Variants in RRAGD observed in about 807,000 individuals in gnomAD.
The protein encoded by RRAGD is Ras related GTP binding D, also known as ras-related GTP-binding protein D.
In RRAGD, 12 loss-of-function variants were observed where a neutral mutation model predicts 35.5. The ratio of observed to expected loss-of-function variants is 0.34; its 90% CI spans 0.22 to 0.55. The LOEUF (loss-of-function observed/expected upper bound fraction) is 0.55. Ranked by LOEUF, RRAGD falls within the 20% of genes least tolerant of loss-of-function variation. RRAGD has a pLI of 0.91. For missense variants in RRAGD, 324 were observed against 490.1 expected (o/e 0.66, Z 3.20); for synonymous variants, 155 against 178.9 (o/e 0.87, Z 1.07).
chr6:89,405,211 A>G (rs976113950), intron 1 of RRAGD, among the ~76,000 whole-genome samples: 2 of 151,888 alleles, frequency 1.3e-5, no homozygotes, highest in African/African-American at 4.8e-5. Context: ...AAAATCAGCC[A>G]GGTGTGGCAG....
chr6:89,397,894 C>G (rs963973186), intron 1 of RRAGD, among the ~76,000 whole-genome samples: 6 of 152,186 alleles, frequency 3.9e-5, no homozygotes, highest in Admixed American at 2.0e-4. Context: ...TACCTGTAAT[C>G]CCAGCACTGT....
In RRAGD at chr6:89,411,691, G is replaced by A. The variant is rs1429213715; in HGVS notation, c.148+155C>T. 6.6e-6 allele frequency among the ~76,000 whole-genome samples: 1 copy of A among 152,174 alleles called. No homozygotes were observed. The highest frequency in any genetic ancestry group is 1.5e-5 in the Non-Finnish European group (1 of 68,026). ...CCCTCATTTGGCAGCTCGAGGTCGG[G>A]CTTTTGGCGTCCCTCCCCACCCCAA... is the stretch of plus-strand genomic sequence containing the variant. On this transcript the variant is annotated intron_variant, in intron 1 of 6. Transcript: ENST00000369415. This position sits in a 1 kb window ranked among gnomAD's most constrained non-coding sequence, Gnocchi z 5.6.
In RRAGD at chr6:89,387,388, G is replaced by A. The variant is rs1226410784; in HGVS notation, c.351C>T (p.Asp117=). 1 of 1,614,192 alleles carries A rather than the reference G, an allele frequency of 6.2e-7. No individual in the cohort carries two copies. The change falls in exon 2 of 7, where the codon GAC becomes GAT. Residue 117 remains aspartate, a synonymous_variant. Transcript: ENST00000369415. ...CAAAAAAGTCAATCTGTCCTGGGAA[G>A]TCCCAAATCTGAAAATTGACAAAGG... ...NSSFVNFQIW[D]FPGQIDFFDP... is the part of the protein sequence containing the mutation.
intron 1 of RRAGD, among the ~76,000 whole-genome samples, chr6:89,403,159 C>T (rs934446057): frequency 1.3e-5 from 2 of 152,048 alleles, no homozygotes; most frequent in African/African-American, 4.8e-5. Context: ...TAAAAACTGT[C>T]GGCCGGGCGC....
At chr6:89,379,390 G>T in intron 3 of RRAGD, 52 bp from the exon 4 acceptor site, 1 of 905,518 alleles carries the variant, frequency 1.1e-6, no homozygotes, top group Non-Finnish European at 1.8e-6. Context: ...TGAGGAACAG[G>T]CTGCTTAGGC....
chr6:89,405,121 T>C (rs545787351), intron 1 of RRAGD, among the ~76,000 whole-genome samples: 8 of 151,908 alleles, frequency 5.3e-5, no homozygotes, highest in South Asian at 2.1e-4. Context: ...GAGGCCAAGG[T>C]GGGCGGATCA....
intron 1 of RRAGD, among the ~76,000 whole-genome samples, chr6:89,400,818 C>T (rs1769445124): frequency 1.3e-5 from 2 of 152,106 alleles, no homozygotes; most frequent in African/African-American, 4.8e-5. Flanking sequence ...GACAGCCCCC[C>T]TAAAAGGAGC....
At position 89,368,112 on chromosome 6, in the gene RRAGD, G is replaced by A. The variant is rs771281584; in HGVS notation, c.1147C>T (p.Arg383Trp). ...KVVKSRKVQN[R>W]LQKKKRATPN... ...GTGGCTCTCTTTTTCTTCTGCAGCC[G>A]ATTCTGAACCTTTCGAGATTTTACT... Residue 383 changes from arginine to tryptophan, a missense_variant, in exon 7 of 7, where the codon CGG becomes TGG. Physicochemically the swap from Arg to Trp is moderately radical, Grantham distance 101 (BLOSUM62 -3). Around this residue, in one of 5 missense-constraint regions of RRAGD, gnomAD observed 68 missense variants for 76.8 expected, o/e 0.89. Transcript: ENST00000369415. The A allele has an allele frequency of 4.3e-6, 7 of 1,613,576 alleles. No homozygotes were observed. The highest frequency in any genetic ancestry group is 2.2e-5 in the South Asian group (2 of 91,048).
intron 1 of RRAGD, among the ~76,000 whole-genome samples, chr6:89,388,618 A>G (rs1342169932): frequency 6.6e-6 from 1 of 152,118 alleles, no homozygotes; most frequent in African/African-American, 2.4e-5. Flanking sequence ...GCAGTCCCCA[A>G]CCTTTTTGGC....
chr6:89,380,464 C>G, intron 2 of RRAGD, 97 bp from the exon 3 acceptor site: 1 of 992,618 alleles, frequency 1.0e-6, no homozygotes. Context: ...TGCAACCCCC[C>G]GAAATACGTT....
intron 1 of RRAGD, among the ~76,000 whole-genome samples, chr6:89,394,992 C>T (rs1769305998): frequency 6.6e-6 from 1 of 152,112 alleles, no homozygotes; most frequent in African/African-American, 2.4e-5. Context: ...CCTGGTGGTG[C>T]ACACCTGTAA....
At chr6:89,406,987 A>G (rs1370354255) in intron 1 of RRAGD, among the ~76,000 whole-genome samples, 3 of 152,228 alleles carry the variant, frequency 2.0e-5, no homozygotes, top group Non-Finnish European at 2.9e-5. Context: ...TTCCCGTTTT[A>G]CATTGGTAAA....
intron 6 of RRAGD, among the ~76,000 whole-genome samples, chr6:89,371,867 T>TA (rs981686498): frequency 5.9e-5 from 9 of 152,204 alleles, no homozygotes; most frequent in Non-Finnish European, 8.8e-5. Flanking sequence ...AATTTGATCC[T>TA]AAAAAAAATT....
intron 1 of RRAGD, among the ~76,000 whole-genome samples, chr6:89,392,513 T>C (rs886337516): frequency 2.6e-5 from 4 of 151,158 alleles, no homozygotes; most frequent in African/African-American, 9.7e-5. Flanking sequence ...AATATAGAGA[T>C]GTATATACAT....
chr6:89,373,468 A>C (rs9353671), intron 5 of RRAGD, among the ~76,000 whole-genome samples: 11,731 of 152,072 alleles, frequency 0.077, 1,076 homozygotes, highest in East Asian at 0.27. Context: ...CAAAAATTAG[A>C]CAGGCACCAC....
chr6:89,412,250 G>T lies in RRAGD; in HGVS notation c.-257C>A. ...CAGCCGGAGCGCGGCAGTTCCTCCC[G>T]GAGGAGGGAGAGAGAGAGAGACTGC... On this transcript the variant is annotated 5_prime_UTR_variant, in exon 1 of 7. Transcript: ENST00000369415. This position sits in a 1 kb window ranked among gnomAD's most constrained non-coding sequence, Gnocchi z 4.2. The T allele has an allele frequency of 4.3e-6, 1 of 231,268 alleles. No homozygotes were observed. The highest frequency in any genetic ancestry group is 6.0e-5 in the Admixed American group (1 of 16,714). The allele number at this position is 231,268 out of a possible 1,614,324, so 14.3% of individuals were successfully genotyped here. A position where few individuals can be genotyped will look rare whatever the true frequency, so the allele number is the denominator to read the frequency against.
At chr6:89,369,322 T>G (rs1337811295) in intron 6 of RRAGD, among the ~76,000 whole-genome samples, 1 of 152,150 alleles carries the variant, frequency 6.6e-6, no homozygotes, top group African/African-American at 2.4e-5. Context: ...AAATGGCAAT[T>G]TGAATATGAG....
At chr6:89,388,861 C>T (rs966791732) in intron 1 of RRAGD, among the ~76,000 whole-genome samples, 7 of 152,182 alleles carry the variant, frequency 4.6e-5, no homozygotes, top group Admixed American at 4.6e-4. Flanking sequence ...GAGACAATGA[C>T]AGATCATCAG....
intron 1 of RRAGD, among the ~76,000 whole-genome samples, chr6:89,409,151 G>A (rs183860149): frequency 2.0e-5 from 3 of 152,200 alleles, no homozygotes; most frequent in African/African-American, 4.8e-5. Flanking sequence ...AGGCATACTC[G>A]GTTTAAAAAT....
Sources: allele counts gnomAD v4.1 joint callset (sites outside exome capture counted in the v4.1 genomes callset), GRCh38; gene constraint gnomAD v4.1.1; regional missense constraint gnomAD v4.1.1; non-coding constraint Gnocchi (gnomAD v3.1); transcripts MANE v1.5; gene names NCBI Gene and HGNC (gene_info 2026-07-23, HGNC 2026-07-21).